The following DCDC1 variants were observed in gnomAD, a reference collection of about 807,000 sequenced individuals.
The protein encoded by DCDC1 is doublecortin domain containing 1.
A neutral mutation model predicts 178.3 loss-of-function variants in DCDC1; 200 were observed. The observed-to-expected ratio is 1.12, with a 90% CI of 1.00 to 1.26. The LOEUF (loss-of-function observed/expected upper bound fraction) is 1.26. Among genes scored for constraint, DCDC1 ranks in the 50% most tolerant of loss-of-function variants. The pLI, the probability that DCDC1 is intolerant of heterozygous loss-of-function variation, is 0.00. For synonymous variants in DCDC1, 690 were observed against 604.8 expected (o/e 1.14, Z -2.07); for missense variants, 1,983 against 1,749.2 (o/e 1.13, Z -2.38).
intron 9 of DCDC1, among the ~76,000 whole-genome samples, chr11:31,227,464 C>T (rs1022887039): frequency 6.6e-6 from 1 of 152,040 alleles, no homozygotes; most frequent in Non-Finnish European, 1.5e-5. Flanking sequence ...TTCCACCAGG[C>T]CCCACTTCCA....
intron 31 of DCDC1, chr11:30,904,474 C>T (rs1944920260): frequency 6.0e-6 from 1 of 168,042 alleles, no homozygotes; most frequent in Admixed American, 5.6e-5. Flanking sequence ...GAGGAGCAGC[C>T]CCCAAGGCAG....
chr11:31,119,272 T>C (rs1960449680), intron 11 of DCDC1, among the ~76,000 whole-genome samples: 1 of 152,234 alleles, frequency 6.6e-6, no homozygotes, highest in Non-Finnish European at 1.5e-5. Context: ...CAACCTTTAG[T>C]GAATGTTCTC....
At chr11:31,139,676 A>C (rs940540351) in intron 9 of DCDC1, among the ~76,000 whole-genome samples, 3 of 152,196 alleles carry the variant, frequency 2.0e-5, no homozygotes, top group Non-Finnish European at 4.4e-5. Flanking sequence ...ACGAGTTTTC[A>C]GGGCCATGAC....
chr11:30,963,937 T>A (rs1335725080), intron 20 of DCDC1, among the ~76,000 whole-genome samples: 1 of 152,158 alleles, frequency 6.6e-6, no homozygotes, highest in African/African-American at 2.4e-5. Context: ...TTAAGTCATA[T>A]CCTTCCTAAT....
chr11:30,920,631 A>T, intron 25 of DCDC1, 145 bp downstream of exon 25: 4 of 903,458 alleles, frequency 4.4e-6, no homozygotes, highest in Non-Finnish European at 6.5e-6. Flanking sequence ...TTTGCCGGAA[A>T]ACTAATTAAA....
At chr11:31,234,357 C>G (rs16921962) in intron 9 of DCDC1, among the ~76,000 whole-genome samples, 3,136 of 152,188 alleles carry the variant, frequency 0.021, 95 homozygotes, top group African/African-American at 0.07. Context: ...ATTTGAAAAT[C>G]AGAAGTTTGT....
chr11:30,913,059 A>G (rs1208881537), intron 27 of DCDC1, among the ~76,000 whole-genome samples: 2 of 152,204 alleles, frequency 1.3e-5, no homozygotes, highest in Admixed American at 6.5e-5. Context: ...CTGTCGCTGT[A>G]CAAACACACT....
At chr11:30,888,097 A>AG (rs1491494413) in intron 36 of DCDC1, among the ~76,000 whole-genome samples, 79 of 85,610 alleles carry the variant, frequency 9.2e-4, no homozygotes, top group African/African-American at 2.0e-3. Context: ...AGAAAGAAAG[A>AG]AAAAGAAAGA....
chr11:31,250,792 G>C (rs1277978699), intron 8 of DCDC1, among the ~76,000 whole-genome samples: 1 of 148,976 alleles, frequency 6.7e-6, no homozygotes, highest in African/African-American at 2.5e-5. Flanking sequence ...GTCTCGCTCT[G>C]TTGCCAGGCT....
chr11:31,220,677 T>C (rs1974164595), intron 9 of DCDC1, among the ~76,000 whole-genome samples: 1 of 152,224 alleles, frequency 6.6e-6, no homozygotes, highest in Non-Finnish European at 1.5e-5. Flanking sequence ...CAATTGATGT[T>C]AAAAACCAAT....
chr11:30,906,756 A>T, intron 29 of DCDC1, 31 bp from the exon 30 acceptor site: 1 of 1,583,962 alleles, frequency 6.3e-7, no homozygotes, highest in South Asian at 1.2e-5. Flanking sequence ...GGCTTTATAT[A>T]GGAGCATCTA....
chr11:31,216,722 A>T (rs1565450818), intron 9 of DCDC1, among the ~76,000 whole-genome samples: 1 of 152,088 alleles, frequency 6.6e-6, no homozygotes, highest in Non-Finnish European at 1.5e-5. Flanking sequence ...AGTACTAGTT[A>T]CTCAGGGTCT....
At chr11:31,365,164 G>A (rs1462185261) in intron 1 of DCDC1, among the ~76,000 whole-genome samples, 1 of 152,142 alleles carries the variant, frequency 6.6e-6, no homozygotes, top group African/African-American at 2.4e-5. Flanking sequence ...GTAACTAACG[G>A]AGTGTGGGGT....
intron 21 of DCDC1, among the ~76,000 whole-genome samples, chr11:30,932,573 C>T (rs1264145200): frequency 6.6e-6 from 1 of 152,004 alleles, no homozygotes; most frequent in Non-Finnish European, 1.5e-5. Flanking sequence ...AACTATGAAC[C>T]ACACAAGATA....
At chr11:31,176,096 A>C (rs187341667) in intron 9 of DCDC1, among the ~76,000 whole-genome samples, 1 of 152,356 alleles carries the variant, frequency 6.6e-6, no homozygotes, top group African/African-American at 2.4e-5. Flanking sequence ...AAATCTAAAT[A>C]ATGATCTTAA....
intron 20 of DCDC1, among the ~76,000 whole-genome samples, chr11:31,006,177 C>T (rs1256076536): frequency 6.6e-6 from 1 of 152,062 alleles, no homozygotes; most frequent in Non-Finnish European, 1.5e-5. Flanking sequence ...GTTATGAATA[C>T]AGATTCTCAT....
intron 20 of DCDC1, among the ~76,000 whole-genome samples, chr11:30,954,768 G>A (rs1187241970): frequency 6.6e-6 from 1 of 152,204 alleles, no homozygotes; most frequent in Non-Finnish European, 1.5e-5. Flanking sequence ...ATGGTCATCT[G>A]AGCCTGCAAA....
In DCDC1 at chr11:31,312,459, T is replaced by C. The variant is rs73463059; in HGVS notation, c.165-4551A>G. Among the ~76,000 whole-genome samples, 646 of 152,274 alleles carry C rather than the reference T, an allele frequency of 4.2e-3. 5 individuals are homozygous for C. The highest frequency in any genetic ancestry group is 0.015 in the African/African-American group (608 of 41,554). ...GGATGCCCAGATATCTGAGGAAACA[T>C]TATTTCTGGGTGTGTCTGTGAGGAT... On this transcript the variant is annotated intron_variant, in intron 3 of 38. Coordinates refer to ENST00000684477, the MANE Select transcript of DCDC1 (RefSeq NM_001387274.1).
chr11:30,902,219 G>A (rs1045663347), intron 32 of DCDC1, among the ~76,000 whole-genome samples: 17 of 152,098 alleles, frequency 1.1e-4, no homozygotes, highest in African/African-American at 3.6e-4. Context: ...TTCTCTTCTT[G>A]TGAATAGAAT....
Sources: gnomAD v4.1 joint callset for allele counts (sites outside exome capture counted in the v4.1 genomes callset) on GRCh38, gnomAD v4.1.1 for gene constraint, MANE v1.5 for transcripts, NCBI Gene and HGNC (gene_info 2026-07-23, HGNC 2026-07-21) for gene names.